Variants in ATXN7 observed in about 807,000 individuals in gnomAD.
The protein encoded by ATXN7 is ataxin 7.
In ATXN7, 12 loss-of-function variants were observed where a neutral mutation model predicts 70.5. That is an observed-to-expected ratio of 0.17 (90% confidence interval 0.11 to 0.28). ATXN7 has a LOEUF of 0.28. Among genes scored for constraint, ATXN7 ranks in the 10% least tolerant of loss-of-function variants. ATXN7 has a pLI of 1.00. For missense variants in ATXN7, 1,256 were observed against 1,131.7 expected, an observed-to-expected ratio of 1.11 and a Z score of -1.58; for synonymous variants, 498 against 448.7, an observed-to-expected ratio of 1.11 and a Z score of -1.39.
At chr3:63,988,569 T>C (rs1216062640) in intron 9 of ATXN7, 4 of 488,024 alleles carry the variant, frequency 8.2e-6, no homozygotes, top group Non-Finnish European at 1.4e-5. Flanking sequence ...CTATACTTGC[T>C]GAACATCAAG....
At chr3:63,913,368 G>C (rs1003141396) in intron 4 of ATXN7, 143 bp downstream of exon 4, 15 of 871,796 alleles carry the variant, frequency 1.7e-5, no homozygotes, top group Non-Finnish European at 2.3e-5. Context: ...AGGGAGGGAG[G>C]GGGCAGAGCG....
Position 63,983,703 on chromosome 3 carries a change from CCTT to C in ATXN7, c.1095+686_1095+688del, listed in dbSNP as rs1195057103. On this transcript the variant is annotated intron_variant, in intron 8 of 12. Coordinates refer to ENST00000674280, the MANE Select transcript of ATXN7 (RefSeq NM_001377405.1). ...GTCTTCCTTTTTGCTCTGGGGTCTTCCTTCTTTTAAAATGCCAGTATGCTAATA... is the reference window on the plus strand; with the variant it reads ...GTCTTCCTTTTTGCTCTGGGGTCTTCCTTTTAAAATGCCAGTATGCTAATA... Among the ~76,000 whole-genome samples the C allele has an allele frequency of 6.6e-5, 10 of 152,136 alleles. No homozygotes were observed. In the East Asian group the frequency reaches 1.9e-3, roughly 29 times the overall value.
Position 63,912,821 on chromosome 3 carries a change from A to C in ATXN7, c.223A>C (p.Met75Leu). The C allele has an allele frequency of 4.5e-6, 7 of 1,572,914 alleles. No individual in the cohort carries two copies. Among genetic ancestry groups the C allele is most frequent in the Non-Finnish European group, 6.0e-6 (7 of 1,161,628 alleles). Residue 75 changes from methionine to leucine, a missense_variant, in exon 3 of 13, where the codon ATG becomes CTG. By Grantham distance (15) the Met-to-Leu change is conservative. Transcript: ENST00000674280. ...CGCCGCCTCCACCTCGGCCGCCGCA[A>C]TGGCGACGGTCGGGGAGCGCAGGCC... ...PGAASTSAAA[M>L]ATVGERRPLP...
chr3:63,943,537 A>G (rs2074805855), intron 4 of ATXN7, among the ~76,000 whole-genome samples: 1 of 152,190 alleles, frequency 6.6e-6, no homozygotes, highest in African/African-American at 2.4e-5. Flanking sequence ...TGTAGGAGGC[A>G]CTATTTGAAG....
chr3:63,863,707 A>AGGGGTCTCAGGGGAGGCCC, upstream of ATXN7: 2 of 1,244,370 alleles, frequency 1.6e-6, no homozygotes, highest in Non-Finnish European at 2.0e-6. Flanking sequence ...CCGGGAGGCC[A>AGGGGTCTCAGGGGAGGCCC]GGGGTCTCAG....
chr3:63,929,007 A>G (rs1393284770), intron 4 of ATXN7, among the ~76,000 whole-genome samples: 1 of 152,216 alleles, frequency 6.6e-6, no homozygotes, highest in Non-Finnish European at 1.5e-5. Context: ...ATAAGGGTTC[A>G]TCTAAACTCT....
chr3:63,989,331 T>C (rs1047363402), intron 9 of ATXN7, among the ~76,000 whole-genome samples: 2 of 152,210 alleles, frequency 1.3e-5, no homozygotes, highest in African/African-American at 4.8e-5. Flanking sequence ...ATTGTAGGTG[T>C]AGGAAAAATA....
chr3:63,934,538 G>C (rs2074622689), intron 4 of ATXN7, among the ~76,000 whole-genome samples: 1 of 152,162 alleles, frequency 6.6e-6, no homozygotes, highest in Non-Finnish European at 1.5e-5. Flanking sequence ...GGAACTGAAG[G>C]AATAGAGAGT....
intron 2 of ATXN7, chr3:63,904,509 G>A (rs1703766610): frequency 6.6e-6 from 1 of 152,232 alleles, no homozygotes; most frequent in Admixed American, 6.5e-5. Flanking sequence ...GGCCAGGCTG[G>A]TCTTGAACTC....
At chr3:63,956,443 AAAAG>A (rs1250190324) in intron 5 of ATXN7, among the ~76,000 whole-genome samples, 1 of 151,598 alleles carries the variant, frequency 6.6e-6, no homozygotes, top group Non-Finnish European at 1.5e-5. Flanking sequence ...AAAAAAAAAA[AAAAG>A]AGTAAGGTGT....
chr3:63,906,170 G>A (rs1311354025), intron 2 of ATXN7, among the ~76,000 whole-genome samples: 1 of 152,200 alleles, frequency 6.6e-6, no homozygotes, highest in Non-Finnish European at 1.5e-5. Context: ...TGGAAAGGGA[G>A]TGCAAGTTTT....
At chr3:63,921,316 C>A (rs1225294502) in intron 4 of ATXN7, among the ~76,000 whole-genome samples, 1 of 151,984 alleles carries the variant, frequency 6.6e-6, no homozygotes, top group African/African-American at 2.4e-5. Flanking sequence ...TCCAGTCATG[C>A]AACAGAAAAA....
At chr3:63,886,000 G>T (rs1703075367) in intron 1 of ATXN7, among the ~76,000 whole-genome samples, 1 of 152,014 alleles carries the variant, frequency 6.6e-6, no homozygotes, top group Non-Finnish European at 1.5e-5. Flanking sequence ...GCGAGACTGG[G>T]TCTCAAACAA....
chr3:63,950,763 GGAAAATAGCATATT>G (rs1468694518), intron 4 of ATXN7, among the ~76,000 whole-genome samples: 1 of 152,104 alleles, frequency 6.6e-6, no homozygotes, highest in Non-Finnish European at 1.5e-5. Flanking sequence ...AGGCTTTCAG[GGAAAATAGCATATT>G]GTTTGGCTCT....
chr3:63,932,240 A>T (rs1575914700), intron 4 of ATXN7, among the ~76,000 whole-genome samples: 1 of 152,198 alleles, frequency 6.6e-6, no homozygotes. Flanking sequence ...TGCTTAGTGC[A>T]TTCACTGCTG....
At chr3:63,948,055 G>A (rs914219971) in intron 4 of ATXN7, among the ~76,000 whole-genome samples, 14 of 152,160 alleles carry the variant, frequency 9.2e-5, no homozygotes, top group Middle Eastern at 3.2e-3. Flanking sequence ...GTGATCTGGT[G>A]GGGAATTTTA....
chr3:63,925,839 G>A (rs921832985), intron 4 of ATXN7, among the ~76,000 whole-genome samples: 19 of 152,188 alleles, frequency 1.2e-4, no homozygotes, highest in Admixed American at 1.0e-3. Context: ...TGTGGAAGCA[G>A]CTTGTGAGGC....
At chr3:63,911,949 C>G (rs887780467) in intron 2 of ATXN7, 2 of 152,520 alleles carry the variant, frequency 1.3e-5, no homozygotes, top group Admixed American at 6.5e-5. Context: ...GCCGGCCGGC[C>G]GGCTCCTCCA....
intron 2 of ATXN7, among the ~76,000 whole-genome samples, chr3:63,900,010 A>G (rs1422827798): frequency 9.9e-5 from 15 of 152,170 alleles, no homozygotes; most frequent in Admixed American, 9.8e-4. Flanking sequence ...TTTGAGCTCA[A>G]GAGCTTGAGG....
Sources: gnomAD v4.1 joint callset for allele counts (sites outside exome capture counted in the v4.1 genomes callset) on GRCh38, gnomAD v4.1.1 for gene constraint, MANE v1.5 for transcripts, NCBI Gene and HGNC (gene_info 2026-07-23, HGNC 2026-07-21) for gene names.